The following ITPR1 variants were observed in gnomAD, a reference collection of about 807,000 sequenced individuals.
ITPR1 encodes inositol 1,4,5-trisphosphate-gated calcium channel ITPR1.
In ITPR1, 96 loss-of-function variants were observed where a neutral mutation model predicts 318.4. That is an observed-to-expected ratio of 0.30 (90% CI 0.26 to 0.36). The LOEUF (loss-of-function observed/expected upper bound fraction) is 0.36. ITPR1 is among the 10% of genes least tolerant of loss of function. ITPR1 has a pLI of 1.00. For synonymous variants in ITPR1, 1,312 were observed against 1,289.9 expected (o/e 1.02, Z -0.37); for missense variants, 2,440 against 3,460.2 (o/e 0.71, Z 7.40).
At chr3:4,835,504 C>T (rs2050835943) in intron 60 of ITPR1, among the ~76,000 whole-genome samples, 1 of 152,178 alleles carries the variant, frequency 6.6e-6, no homozygotes, top group Admixed American at 6.5e-5. Flanking sequence ...AATATTGACA[C>T]ACAAAATGTC....
chr3:4,836,704 T>G, intron 60 of ITPR1, 70 bp from the exon 61 acceptor site: 1 of 1,266,050 alleles, frequency 7.9e-7, no homozygotes, highest in Non-Finnish European at 1.0e-6. Context: ...AAGCTGGCCT[T>G]TCTTGTTTTT....
chr3:4,656,880 C>G (rs542046138), intron 12 of ITPR1, among the ~76,000 whole-genome samples: 72 of 152,338 alleles, frequency 4.7e-4, no homozygotes, highest in African/African-American at 1.7e-3. Flanking sequence ...TGGAAAATCA[C>G]GCGATGTAGA....
In ITPR1 at chr3:4,532,408, A is replaced by T. The variant is rs1286860829; in HGVS notation, c.163+11314A>T. On this transcript the variant is annotated intron_variant, in intron 4 of 61. Transcript: ENST00000649015. The stretch of plus-strand genomic sequence containing the variant: ...GAGATAGGGTCTTGCTCTGTAGCTC[A>T]GGCTGGAGAGCAGTGATGCAATCAA... Among the ~76,000 whole-genome samples the T allele has an allele frequency of 1.3e-5, 2 of 152,114 alleles. 1 individual carries two copies. The highest frequency in any genetic ancestry group is 4.8e-5 in the African/African-American group (2 of 41,428).
At chr3:4,768,893 T>C (rs1032162788) in intron 46 of ITPR1, 129 bp downstream of exon 46, 54 of 862,838 alleles carry the variant, frequency 6.3e-5, no homozygotes, top group African/African-American at 1.0e-4. Flanking sequence ...AGGTTCTTTT[T>C]TTTCCTTTTT....
intron 47 of ITPR1, among the ~76,000 whole-genome samples, chr3:4,776,837 C>G (rs1373751020): frequency 6.6e-6 from 1 of 152,108 alleles, no homozygotes; most frequent in Non-Finnish European, 1.5e-5. Flanking sequence ...TATTGTGTGC[C>G]TTAAACAGGA....
chr3:4,831,864 C>G (rs541853164), intron 60 of ITPR1, among the ~76,000 whole-genome samples: 1 of 152,306 alleles, frequency 6.6e-6, no homozygotes, highest in East Asian at 1.9e-4. Context: ...TGTGCCTATT[C>G]CAGTAACTGG....
At chr3:4,497,033 C>G (rs1029845363) in intron 2 of ITPR1, among the ~76,000 whole-genome samples, 25 of 148,450 alleles carry the variant, frequency 1.7e-4, no homozygotes, top group African/African-American at 5.7e-4. Flanking sequence ...CATTTGCAGG[C>G]TGTCTGTTAA....
intron 37 of ITPR1, among the ~76,000 whole-genome samples, chr3:4,707,369 G>C (rs1482972816): frequency 6.6e-6 from 1 of 152,236 alleles, no homozygotes; most frequent in Admixed American, 6.5e-5. Context: ...TTTGGCAGTT[G>C]ATGCTGGTTG....
intron 4 of ITPR1, among the ~76,000 whole-genome samples, chr3:4,564,636 G>A (rs1332761209): frequency 6.6e-6 from 1 of 152,124 alleles, no homozygotes; most frequent in Admixed American, 6.5e-5. Flanking sequence ...ACCATGGGAG[G>A]ACACAGCAAG....
At chr3:4,560,030 C>T (rs577652052) in intron 4 of ITPR1, among the ~76,000 whole-genome samples, 1 of 152,290 alleles carries the variant, frequency 6.6e-6, no homozygotes, top group Admixed American at 6.5e-5. Context: ...CTTGCTTAAC[C>T]TCTCTATGTC....
intron 4 of ITPR1, among the ~76,000 whole-genome samples, chr3:4,574,678 C>T (rs564650915): frequency 6.0e-4 from 92 of 152,322 alleles, no homozygotes; most frequent in African/African-American, 1.9e-3. Context: ...GATCTGCACA[C>T]GCTTGCTGAG....
intron 40 of ITPR1, among the ~76,000 whole-genome samples, chr3:4,723,035 C>G (rs968448936): frequency 6.6e-6 from 1 of 152,188 alleles, no homozygotes; most frequent in African/African-American, 2.4e-5. Flanking sequence ...GTAGTCCCAG[C>G]TACTCAGGAG....
At chr3:4,767,824 T>C (rs1407060748) in intron 45 of ITPR1, among the ~76,000 whole-genome samples, 1 of 152,210 alleles carries the variant, frequency 6.6e-6, no homozygotes, top group African/African-American at 2.4e-5. Flanking sequence ...TTCAAAGTTC[T>C]TTACAGTTCC....
intron 53 of ITPR1, among the ~76,000 whole-genome samples, chr3:4,798,198 A>G (rs560156022): frequency 6.2e-4 from 95 of 152,342 alleles, no homozygotes; most frequent in African/African-American, 2.2e-3. Flanking sequence ...TAGTTGCAAA[A>G]TATATATCTG....
intron 50 of ITPR1, 140 bp from the exon 51 acceptor site, chr3:4,783,676 G>T (rs2046981740): frequency 1.4e-6 from 1 of 710,750 alleles, no homozygotes; most frequent in Non-Finnish European, 2.5e-6. Flanking sequence ...TGATGGGATG[G>T]AGCAAGCCTC....
chr3:4,565,195 C>T (rs114718845), intron 4 of ITPR1, among the ~76,000 whole-genome samples: 1,743 of 152,292 alleles, frequency 0.011, 38 homozygotes, highest in African/African-American at 0.038. Context: ...CCTCACTTGA[C>T]AGTTGAGGGA....
chr3:4,624,058 G>A (rs1478708763), intron 4 of ITPR1, among the ~76,000 whole-genome samples: 1 of 152,196 alleles, frequency 6.6e-6, no homozygotes, highest in Non-Finnish European at 1.5e-5. Context: ...ACTGTGAACA[G>A]TTGTAAAATG....
chr3:4,747,569 C>A (rs2044199803), intron 44 of ITPR1, among the ~76,000 whole-genome samples: 1 of 152,194 alleles, frequency 6.6e-6, no homozygotes, highest in South Asian at 2.1e-4. Context: ...TCCTGATAAT[C>A]AGAAGGCAGC....
chr3:4,515,487 T>A (rs966026204), intron 2 of ITPR1, among the ~76,000 whole-genome samples: 1 of 152,202 alleles, frequency 6.6e-6, no homozygotes, highest in Non-Finnish European at 1.5e-5. Flanking sequence ...AGCAGATGCC[T>A]GAGGAAACAC....
Sources: allele counts gnomAD v4.1 joint callset (sites outside exome capture counted in the v4.1 genomes callset), GRCh38; gene constraint gnomAD v4.1.1; transcripts MANE v1.5; gene names NCBI Gene and HGNC (gene_info 2026-07-23, HGNC 2026-07-21).